The following SPAST variants were observed in gnomAD, a reference collection of about 807,000 sequenced individuals.
The protein encoded by SPAST is spastin, also known as spastic paraplegia 4 (autosomal dominant; spastin).
SPAST carries 30 observed loss-of-function variants against 76.6 expected under a neutral mutation model. That is an observed-to-expected ratio of 0.39 (90% confidence interval 0.29 to 0.53). The LOEUF (loss-of-function observed/expected upper bound fraction) is 0.53. Among genes scored for constraint, SPAST ranks in the 20% least tolerant of loss-of-function variants. The pLI, the probability that SPAST is intolerant of heterozygous loss-of-function variation, is 0.68. For missense variants in SPAST, 717 were observed against 770.5 expected, an observed-to-expected ratio of 0.93 and a Z score of 0.82; for synonymous variants, 305 against 281.0, an observed-to-expected ratio of 1.09 and a Z score of -0.86.
chr2:32,140,714 C>G (rs1356959216), intron 12 of SPAST, among the ~76,000 whole-genome samples: 2 of 151,790 alleles, frequency 1.3e-5, no homozygotes, highest in Admixed American at 6.6e-5. Context: ...GCCGGGAATT[C>G]CAGACCAGCC....
intron 1 of SPAST, among the ~76,000 whole-genome samples, chr2:32,066,979 A>G (rs1413816930): frequency 9.5e-6 from 1 of 105,046 alleles, no homozygotes; most frequent in East Asian, 4.2e-4. Context: ...TCTCAAAAAA[A>G]AAAAAAAAAA....
rs972299068 is a variant in SPAST, at chr2:32,086,005, G to A, written c.416-1487G>A. ...TGCAGTGAACCAAGATCGTGCCACT[G>A]CACTGCAGCCTGGGCTACAGAGAGA... On this transcript the variant is annotated intron_variant, in intron 1 of 16. Transcript: ENST00000315285. Among the ~76,000 whole-genome samples the A allele has an allele frequency of 2.0e-5, 3 of 151,990 alleles. No individual in the cohort carries two copies. In the East Asian group the frequency reaches 5.8e-4, roughly 30 times the overall value.
intron 7 of SPAST, 35 bp downstream of exon 7, chr2:32,116,247 C>G (rs753344937): frequency 7.6e-7 from 1 of 1,321,984 alleles, no homozygotes; most frequent in Non-Finnish European, 1.1e-6. Context: ...TCTATAATAC[C>G]ATCTGTTACT....
Position 32,063,820 on chromosome 2 carries a change from TGA to T in SPAST, c.-8_-7del, listed in dbSNP as rs1316901965. ...AGGCGGGTTATGGCGGCGGCGGCAG[TGA>T]GAGCTGTGAATGAATTCTCCGGGTG... On this transcript the variant is annotated 5_prime_UTR_variant, in exon 1 of 17. Coordinates refer to ENST00000315285, the MANE Select transcript of SPAST (RefSeq NM_014946.4). 1.3e-6 allele frequency: 2 copies of T among 1,558,192 alleles called. No individual in the cohort carries two copies. The highest frequency in any genetic ancestry group is 1.7e-6 in the Non-Finnish European group (2 of 1,160,722).
In SPAST at chr2:32,087,584, A is replaced by G; in HGVS notation, c.502+6A>G. 4 of 1,528,248 alleles carry G rather than the reference A, an allele frequency of 2.6e-6. No homozygotes were observed. 94.7% of individuals were successfully genotyped at this position (1,528,248 alleles called of 1,614,324 possible). ...TGTTATAGTTACAGGACAAGGTAAG[A>G]TTGTATTTGTTTATAGCCATCCCAA... On this transcript the variant is annotated splice_donor_region_variant and intron_variant, in intron 2 of 16. Transcript: ENST00000315285.
intron 1 of SPAST, among the ~76,000 whole-genome samples, chr2:32,070,066 A>C: frequency 7.8e-6 from 1 of 128,198 alleles, no homozygotes; most frequent in African/African-American, 2.9e-5. Flanking sequence ...AAAAAAAAAA[A>C]AATTTTTTTT....
At chr2:32,151,411 A>T (rs1384815505) in intron 16 of SPAST, among the ~76,000 whole-genome samples, 1 of 152,220 alleles carries the variant, frequency 6.6e-6, no homozygotes, top group African/African-American at 2.4e-5. Context: ...AAATAACTTT[A>T]AAAAATATAA....
chr2:32,120,255 T>C (rs1678973722), intron 7 of SPAST, among the ~76,000 whole-genome samples: 1 of 152,154 alleles, frequency 6.6e-6, no homozygotes, highest in African/African-American at 2.4e-5. Flanking sequence ...TAATTTTTGT[T>C]ACCTTTTCGA....
intron 1 of SPAST, among the ~76,000 whole-genome samples, chr2:32,074,466 C>T (rs557486387): frequency 2.0e-5 from 3 of 151,410 alleles, no homozygotes; most frequent in African/African-American, 7.2e-5. Flanking sequence ...AGGCCAGCTC[C>T]TGGATGTAAT....
At chr2:32,139,293 A>G (rs955358229) in intron 12 of SPAST, among the ~76,000 whole-genome samples, 3 of 152,210 alleles carry the variant, frequency 2.0e-5, no homozygotes, top group African/African-American at 7.2e-5. Context: ...AGAAGGAAAC[A>G]AAAGGCATCC....
intron 9 of SPAST, chr2:32,129,407 T>G (rs1208146167): frequency 6.6e-6 from 1 of 152,206 alleles, no homozygotes; most frequent in Non-Finnish European, 1.5e-5. Context: ...TTCCCTGCTT[T>G]CTTTTGATTG....
chr2:32,125,772 A>G (rs1206858328), intron 7 of SPAST, among the ~76,000 whole-genome samples: 5 of 151,678 alleles, frequency 3.3e-5, no homozygotes, highest in East Asian at 1.9e-4. Context: ...CCTCATACCA[A>G]CTTTCAATCA....
At chr2:32,089,133 C>G (rs1449891055) in intron 2 of SPAST, among the ~76,000 whole-genome samples, 1 of 151,424 alleles carries the variant, frequency 6.6e-6, no homozygotes, top group Non-Finnish European at 1.5e-5. Context: ...GTGGTCACCT[C>G]TCACTGCAAC....
At chr2:32,126,354 T>G (rs1417676468) in intron 7 of SPAST, 1 of 152,194 alleles carries the variant, frequency 6.6e-6, no homozygotes, top group Non-Finnish European at 1.5e-5. Context: ...CATATATTTT[T>G]TATTCATTTA....
chr2:32,111,744 G>T (rs573733154), intron 4 of SPAST, among the ~76,000 whole-genome samples: 1 of 150,858 alleles, frequency 6.6e-6, no homozygotes, highest in East Asian at 1.9e-4. Context: ...TAAACTCTTA[G>T]TCTTTCCAGT....
At chr2:32,095,753 GA>G (rs1279063773) in intron 3 of SPAST, among the ~76,000 whole-genome samples, 4 of 151,844 alleles carry the variant, frequency 2.6e-5, no homozygotes, top group Non-Finnish European at 5.9e-5. Context: ...AAAATGAAAA[GA>G]AAAAGAATTT....
At chr2:32,141,450 C>T (rs921554771) in intron 12 of SPAST, among the ~76,000 whole-genome samples, 1 of 152,182 alleles carries the variant, frequency 6.6e-6, no homozygotes, top group Non-Finnish European at 1.5e-5. Context: ...CAGTCATGTC[C>T]ATGATCTTTA....
intron 4 of SPAST, among the ~76,000 whole-genome samples, chr2:32,109,450 TCCC>T (rs1484730337): frequency 6.6e-6 from 1 of 152,024 alleles, no homozygotes; most frequent in African/African-American, 2.4e-5. Context: ...AAAAGAATAT[TCCC>T]CTTCTGTTTC....
intron 4 of SPAST, among the ~76,000 whole-genome samples, chr2:32,103,513 T>C (rs1480526611): frequency 1.3e-5 from 2 of 152,206 alleles, no homozygotes; most frequent in Admixed American, 6.5e-5. Flanking sequence ...TGCTAGCTTT[T>C]GAAGGTGTTT....
Sources: gnomAD v4.1 joint callset for allele counts (sites outside exome capture counted in the v4.1 genomes callset) on GRCh38, gnomAD v4.1.1 for gene constraint, MANE v1.5 for transcripts, NCBI Gene and HGNC (gene_info 2026-07-23, HGNC 2026-07-21) for gene names.